Variants in DHRS7C observed in about 807,000 individuals in gnomAD.
DHRS7C encodes dehydrogenase/reductase SDR family member 7C.
A neutral mutation model predicts 29.6 loss-of-function variants in DHRS7C; 28 were observed. The ratio of observed to expected loss-of-function variants is 0.95; its 90% confidence interval spans 0.70 to 1.30. The LOEUF (loss-of-function observed/expected upper bound fraction) is 1.30, where lower values mean the gene tolerates loss of function less well. Among genes scored for constraint, DHRS7C ranks in the 50% most tolerant of loss-of-function variants. The pLI, the probability that DHRS7C is intolerant of heterozygous loss-of-function variation, is 0.00. For synonymous variants in DHRS7C, 158 were observed against 160.2 expected (o/e 0.99, Z 0.10); for missense variants, 403 against 393.3 (o/e 1.02, Z -0.21).
chr17:9,771,617 C>A lies in DHRS7C; in HGVS notation c.807G>T (p.Lys269Asn). Residue 269 changes from lysine to asparagine, a missense_variant, in exon 6 of 6, where the codon AAG (lysine) becomes AAT (asparagine). Coordinates refer to ENST00000571134, the MANE Select transcript of DHRS7C (RefSeq NM_001105571.3). ...EEVMRTVRRK[K>N]QEVFMANPIP... is the part of the protein sequence containing the mutation. ...TGGGGTTGGCCATAAACACCTCTTG[C>A]TTCTTCCTCCGCACGGTGCGCATCA... is the stretch of plus-strand genomic sequence containing the variant. 6.2e-7 allele frequency: 1 copy of A among 1,602,406 alleles called. No homozygotes were observed. Among genetic ancestry groups the A allele is most frequent in the Non-Finnish European group, 8.5e-7 (1 of 1,173,842 alleles).
chr17:9,779,766 A>C, intron 3 of DHRS7C, 59 bp downstream of exon 3: 4 of 1,513,180 alleles, frequency 2.6e-6, no homozygotes, highest in Non-Finnish European at 2.7e-6. Context: ...GCTAATTAAC[A>C]GAGGCCTCTG....
chr17:9,786,403 T>C (rs1293121152), intron 1 of DHRS7C, among the ~76,000 whole-genome samples: 1 of 150,510 alleles, frequency 6.6e-6, no homozygotes, highest in Non-Finnish European at 1.5e-5. Flanking sequence ...GATTTTTTTT[T>C]CTCAAGCTGC....
intron 1 of DHRS7C, among the ~76,000 whole-genome samples, chr17:9,789,250 G>A (rs2066441303): frequency 1.3e-5 from 2 of 152,104 alleles, no homozygotes; most frequent in South Asian, 4.2e-4. Context: ...AACCCATATC[G>A]AGATAGGTCA....
chr17:9,779,715 AG>A, intron 3 of DHRS7C, 109 bp downstream of exon 3: 1 of 1,128,596 alleles, frequency 8.9e-7, no homozygotes. Context: ...GAATTTTCTG[AG>A]GGGACTGGGG....
chr17:9,775,871 G>T lies in DHRS7C; in HGVS notation c.571+1322C>A, dbSNP rs58327917. On this transcript the variant is annotated intron_variant, in intron 4 of 5. Transcript: ENST00000571134. This position sits in a 1 kb window ranked among gnomAD's most constrained non-coding sequence, Gnocchi z 4.2. Reference sequence around the variant, plus strand: ...TAATATAAAATGAGGGCATTAGGCTGCGTCCTACTCTAATCTGACTGGTGC... The same window carrying T: ...TAATATAAAATGAGGGCATTAGGCTTCGTCCTACTCTAATCTGACTGGTGC... Among the ~76,000 whole-genome samples the T allele has an allele frequency of 6.9e-3, 1,050 of 152,282 alleles. 12 individuals carry two copies. The highest frequency in any genetic ancestry group is 0.024 in the African/African-American group (981 of 41,550).
rs1485603830 is a variant in DHRS7C, at chr17:9,775,055, C to G, written c.572-2133G>C. Reference sequence around the variant, plus strand: ...ACTCGTGCATTTGTCCTATACGGGTCAGTGGCCAAAGCGCCCATTGTCATG... The same window carrying G: ...ACTCGTGCATTTGTCCTATACGGGTGAGTGGCCAAAGCGCCCATTGTCATG... On this transcript the variant is annotated intron_variant, in intron 4 of 5. Coordinates refer to ENST00000571134, the MANE Select transcript of DHRS7C (RefSeq NM_001105571.3). The surrounding 1 kb of genome is among the most constrained non-coding windows in gnomAD (Gnocchi z 4.2). Among the ~76,000 whole-genome samples, 1 of 152,172 alleles carries G rather than the reference C, an allele frequency of 6.6e-6. No homozygotes were observed. The highest frequency in any genetic ancestry group is 1.5e-5 in the Non-Finnish European group (1 of 68,038).
rs766476105 is a variant in DHRS7C, at chr17:9,772,727, C to T, written c.727+40G>A. On this transcript the variant is annotated intron_variant, in intron 5 of 5. Transcript: ENST00000571134. ...CCCCCCAGTGACACCGGACTGTTCC[C>T]GAGGCCCCCAGGGGCCCCAGCTTCC... 2.2e-5 allele frequency: 36 copies of T among 1,607,244 alleles called. No individual in the cohort carries two copies. In the South Asian group the frequency reaches 3.2e-4, roughly 14 times the overall value.
rs553491074 is a variant in DHRS7C, at chr17:9,783,974, T to C, written c.155-2380A>G. On this transcript the variant is annotated intron_variant, in intron 1 of 5. Transcript: ENST00000571134. ...TTTTTTGTTTTTTTTTTTAAAATGGTATTTGAATACCTATCTGGGAGGGAA... is the reference window on the plus strand; with the variant it reads ...TTTTTTGTTTTTTTTTTTAAAATGGCATTTGAATACCTATCTGGGAGGGAA... 3.5e-4 allele frequency among the ~76,000 whole-genome samples: 52 copies of C among 148,628 alleles called. No individual in the cohort carries two copies. The South Asian group carries it at 0.011, about 30-fold the overall frequency.
At chr17:9,787,251 A>G (rs994374762) in intron 1 of DHRS7C, among the ~76,000 whole-genome samples, 1 of 152,138 alleles carries the variant, frequency 6.6e-6, no homozygotes, top group African/African-American at 2.4e-5. Flanking sequence ...TGGCCAGAGC[A>G]TCTATTTGCA....
At chr17:9,786,964 A>G (rs2066427515) in intron 1 of DHRS7C, among the ~76,000 whole-genome samples, 1 of 150,194 alleles carries the variant, frequency 6.7e-6, no homozygotes, top group Admixed American at 6.6e-5. Flanking sequence ...TTTTTTTTTG[A>G]GATGGAGTTT....
At position 9,791,254 on chromosome 17, in the gene DHRS7C, G is replaced by T; in HGVS notation, c.31C>A (p.Leu11Met). ...AGGCCGCTGATTCCCAGCAGCAGCAGGGGGAGCATCAGCATGGCCATGACT... is the reference window on the plus strand; with the variant it reads ...AGGCCGCTGATTCCCAGCAGCAGCATGGGGAGCATCAGCATGGCCATGACT... MGVMAMLMLP[L>M]LLLGISGLLF... is the part of the protein sequence containing the mutation. The change falls in exon 1 of 6, where the codon CTG becomes ATG. Residue 11 changes from leucine (L) to methionine (M), a missense_variant. Physicochemically the swap from Leu to Met is conservative, Grantham distance 15. Coordinates refer to ENST00000571134, the MANE Select transcript of DHRS7C (RefSeq NM_001105571.3). 1 of 1,613,714 alleles carries T rather than the reference G, an allele frequency of 6.2e-7. No homozygotes were observed.
At chr17:9,777,965 T>C (rs1296736236) in intron 3 of DHRS7C, among the ~76,000 whole-genome samples, 1 of 152,116 alleles carries the variant, frequency 6.6e-6, no homozygotes, top group Non-Finnish European at 1.5e-5. Context: ...AATTTAAAAA[T>C]GAGAAAATTC....
intron 1 of DHRS7C, among the ~76,000 whole-genome samples, chr17:9,787,300 G>A (rs2066429441): frequency 6.6e-6 from 1 of 152,212 alleles, no homozygotes; most frequent in Admixed American, 6.5e-5. Flanking sequence ...GTGAGCAGGA[G>A]CCAGATCAAA....
intron 1 of DHRS7C, among the ~76,000 whole-genome samples, chr17:9,785,638 A>G (rs1304942342): frequency 6.6e-5 from 10 of 152,086 alleles, no homozygotes; most frequent in Non-Finnish European, 1.5e-4. Flanking sequence ...TGGAGAAAAA[A>G]CCCACATCTC....
chr17:9,773,753 C>G (rs2066345697), intron 4 of DHRS7C, among the ~76,000 whole-genome samples: 1 of 112,418 alleles, frequency 8.9e-6, no homozygotes, highest in Non-Finnish European at 1.8e-5. Flanking sequence ...GAGACGGCGT[C>G]TCACTCTGTT....
chr17:9,776,700 T>C (rs2066364426), intron 4 of DHRS7C, among the ~76,000 whole-genome samples: 1 of 152,156 alleles, frequency 6.6e-6, no homozygotes, highest in South Asian at 2.1e-4. Context: ...ACGCTCATAT[T>C]TGGAGCTGCC....
At position 9,780,034 on chromosome 17, in the gene DHRS7C, G is replaced by A. The variant is rs2066384901; in HGVS notation, c.269C>T (p.Thr90Ile). The A allele has an allele frequency of 6.2e-7, 1 of 1,613,282 alleles. No homozygotes were observed. The highest frequency in any genetic ancestry group is 2.2e-5 in the East Asian group (1 of 44,876). The change falls in exon 3 of 6, where the codon ACA becomes ATA. Residue 90 changes from threonine to isoleucine, a missense_variant and splice_region_variant. Physicochemically the swap from Thr to Ile is moderately conservative, Grantham distance 89. Coordinates refer to ENST00000571134, the MANE Select transcript of DHRS7C (RefSeq NM_001105571.3). Reference sequence around the variant, plus strand: ...CAACAGGACCAGCTTTGGGGTGAATGTCTGCTGAACCAATGAGAGAGTCAG... The same window carrying A: ...CAACAGGACCAGCTTTGGGGTGAATATCTGCTGAACCAATGAGAGAGTCAG... ...ALISVADPSKTFTPKLVLLDL... is the reference protein window; with the variant it reads ...ALISVADPSKIFTPKLVLLDL...
At position 9,775,795 on chromosome 17, in the gene DHRS7C, A is replaced by G. The variant is rs1250112040; in HGVS notation, c.571+1398T>C. Among the ~76,000 whole-genome samples the G allele has an allele frequency of 1.3e-5, 2 of 152,220 alleles. No homozygotes were observed. The highest frequency in any genetic ancestry group is 2.9e-5 in the Non-Finnish European group (2 of 68,036). ...CCGAAAATTTATATGCTGAAACCCA[A>G]TACCCAGTACTCAGAATGTGACGGT... On this transcript the variant is annotated intron_variant, in intron 4 of 5. Coordinates refer to ENST00000571134, the MANE Select transcript of DHRS7C (RefSeq NM_001105571.3). The surrounding 1 kb of genome is among the most constrained non-coding windows in gnomAD (Gnocchi z 4.2).
chr17:9,791,232 C>T lies in DHRS7C; in HGVS notation c.53G>A (p.Gly18Asp). The change falls in exon 1 of 6, where the codon GGC becomes GAC. Residue 18 changes from glycine to aspartate, a missense_variant. Transcript: ENST00000571134. The stretch of plus-strand genomic sequence containing the variant: ...CACCTCTTGGTAAATGAAGAGGAGG[C>T]CGCTGATTCCCAGCAGCAGCAGGGG... Reference protein sequence around the residue: ...MLPLLLLGISGLLFIYQEVSR... With the variant: ...MLPLLLLGISDLLFIYQEVSR... The T allele has an allele frequency of 6.2e-7, 1 of 1,613,640 alleles. No individual in the cohort carries two copies. Among genetic ancestry groups the T allele is most frequent in the Non-Finnish European group, 8.5e-7 (1 of 1,179,784 alleles).
Sources: gnomAD v4.1 joint callset for allele counts (sites outside exome capture counted in the v4.1 genomes callset) on GRCh38, gnomAD v4.1.1 for gene constraint, Gnocchi (gnomAD v3.1) non-coding constraint, MANE v1.5 for transcripts, NCBI Gene and HGNC (gene_info 2026-07-23, HGNC 2026-07-21) for gene names.